WDR7: variants seen among roughly 807,000 people sequenced by gnomAD.
The protein encoded by WDR7 is WD repeat-containing protein 7.
In WDR7, 46 loss-of-function variants were observed where a neutral mutation model predicts 169.4. The observed-to-expected ratio is 0.27, with a 90% confidence interval of 0.21 to 0.35. The LOEUF (loss-of-function observed/expected upper bound fraction) is 0.35. Among genes scored for constraint, WDR7 ranks in the 10% least tolerant of loss-of-function variants. WDR7 has a pLI of 1.00. For missense variants in WDR7, 1,534 were observed against 1,859.3 expected (o/e 0.83, Z 3.22); for synonymous variants, 612 against 666.8 (o/e 0.92, Z 1.27).
chr18:56,743,109 T>C (rs1259349494), intron 14 of WDR7, among the ~76,000 whole-genome samples: 3 of 152,138 alleles, frequency 2.0e-5, no homozygotes, highest in Admixed American at 6.5e-5. Context: ...GTAAGGAAGG[T>C]TGGCTCACAG....
At chr18:56,723,371 A>G (rs2026366612) in intron 13 of WDR7, among the ~76,000 whole-genome samples, 1 of 151,844 alleles carries the variant, frequency 6.6e-6, no homozygotes, top group African/African-American at 2.4e-5. Context: ...TCTTTTGTCT[A>G]ATACTTAATT....
chr18:56,677,325 C>G (rs1568131528), intron 2 of WDR7, among the ~76,000 whole-genome samples: 1 of 152,158 alleles, frequency 6.6e-6, no homozygotes, highest in Non-Finnish European at 1.5e-5. Flanking sequence ...ACTGAAAAGT[C>G]TGGTTCCAGA....
chr18:56,910,267 C>T (rs185724916), intron 21 of WDR7, among the ~76,000 whole-genome samples: 1,806 of 152,228 alleles, frequency 0.012, 26 homozygotes, highest in Non-Finnish European at 0.015. Flanking sequence ...ATAAATATTT[C>T]CTGATAATGT....
At chr18:56,703,506 C>T (rs2025878313) in intron 12 of WDR7, among the ~76,000 whole-genome samples, 1 of 152,078 alleles carries the variant, frequency 6.6e-6, no homozygotes, top group Non-Finnish European at 1.5e-5. Context: ...TAAGCAAAAA[C>T]AGGAAGCAGA....
At chr18:56,930,010 G>T (rs565390781) in intron 22 of WDR7, among the ~76,000 whole-genome samples, 1 of 152,298 alleles carries the variant, frequency 6.6e-6, no homozygotes, top group East Asian at 1.9e-4. Flanking sequence ...CCTCGTTCAT[G>T]TGGCAGGGCC....
intron 25 of WDR7, among the ~76,000 whole-genome samples, chr18:56,962,117 A>AT (rs200339901): frequency 1.1e-4 from 17 of 151,434 alleles, no homozygotes; most frequent in African/African-American, 3.4e-4. Context: ...TTCATATTTA[A>AT]TTTTTTTTTA....
At chr18:56,732,479 G>A (rs1419946987) in intron 14 of WDR7, among the ~76,000 whole-genome samples, 1 of 152,088 alleles carries the variant, frequency 6.6e-6, no homozygotes, top group East Asian at 1.9e-4. Flanking sequence ...ATAGTAAAGG[G>A]GTTGAAAGGC....
At chr18:56,882,005 C>G (rs2046115077) in intron 21 of WDR7, among the ~76,000 whole-genome samples, 1 of 152,220 alleles carries the variant, frequency 6.6e-6, no homozygotes, top group South Asian at 2.1e-4. Context: ...TAAACTTGAA[C>G]TCAAGTGTCT....
chr18:56,932,130 C>A (rs774800492), intron 22 of WDR7, among the ~76,000 whole-genome samples: 11 of 152,140 alleles, frequency 7.2e-5, no homozygotes, highest in Non-Finnish European at 1.5e-4. Context: ...TACCCTCACA[C>A]ACACAGCCCC....
chr18:56,981,183 G>A (rs72928623), intron 26 of WDR7, among the ~76,000 whole-genome samples: 3,851 of 152,254 alleles, frequency 0.025, 58 homozygotes, highest in South Asian at 0.036. Context: ...GATGACTTTG[G>A]TATGGTAATT....
At chr18:56,784,768 CTTTCTG>C (rs2044370382) in intron 19 of WDR7, among the ~76,000 whole-genome samples, 1 of 151,966 alleles carries the variant, frequency 6.6e-6, no homozygotes, top group Admixed American at 6.6e-5. Context: ...ATATTTAAAC[CTTTCTG>C]TTTATGTATT....
At chr18:56,860,296 A>G (rs943218782) in intron 20 of WDR7, among the ~76,000 whole-genome samples, 2 of 152,232 alleles carry the variant, frequency 1.3e-5, no homozygotes, top group Non-Finnish European at 2.9e-5. Flanking sequence ...CTATGTAATC[A>G]TGAGTGCATG....
intron 22 of WDR7, among the ~76,000 whole-genome samples, chr18:56,926,147 G>A (rs1414031859): frequency 6.6e-6 from 1 of 152,150 alleles, no homozygotes; most frequent in African/African-American, 2.4e-5. Flanking sequence ...TCTGGATACA[G>A]GAGGCCTGAA....
intron 25 of WDR7, among the ~76,000 whole-genome samples, chr18:56,944,697 A>C (rs1224229312): frequency 6.6e-6 from 1 of 152,196 alleles, no homozygotes; most frequent in Non-Finnish European, 1.5e-5. Context: ...AATGGTTTAG[A>C]GCGCATACCA....
intron 26 of WDR7, among the ~76,000 whole-genome samples, chr18:56,989,723 A>C (rs964269610): frequency 6.6e-6 from 1 of 152,116 alleles, no homozygotes; most frequent in Non-Finnish European, 1.5e-5. Flanking sequence ...TATTTGTCTC[A>C]ATAGAGTATT....
At chr18:56,799,786 T>C (rs1421264) in intron 19 of WDR7, among the ~76,000 whole-genome samples, 94,965 of 151,914 alleles carry the variant, frequency 0.63, 31,263 homozygotes, top group East Asian at 0.83. Context: ...TCAAATATGA[T>C]TCTCATGACA....
At chr18:56,978,837 G>A (rs547758715) in intron 26 of WDR7, among the ~76,000 whole-genome samples, 13 of 152,218 alleles carry the variant, frequency 8.5e-5, no homozygotes, top group South Asian at 4.1e-4. Flanking sequence ...TAGCATGCCC[G>A]CATGTAATTC....
downstream of WDR7, chr18:57,033,329 G>A (rs1166884694): frequency 2.0e-5 from 3 of 152,158 alleles, no homozygotes; most frequent in African/African-American, 7.2e-5. Context: ...ATGTTATAAT[G>A]TAGGAATTTA....
chr18:56,962,537 A>G lies in WDR7; in HGVS notation c.4164+8A>G. The G allele has an allele frequency of 6.2e-7, 1 of 1,611,878 alleles. No homozygotes were observed. Among genetic ancestry groups the G allele is most frequent in the Non-Finnish European group, 8.5e-7 (1 of 1,178,438 alleles). ...CGGACTGGAAAATGTCAGGTAAATA[A>G]ATCATTGTGACTTCCTCTCCATAAA... On this transcript the variant is annotated splice_region_variant and intron_variant, in intron 26 of 27. Transcript: ENST00000254442.
Sources: gnomAD v4.1 joint callset for allele counts (sites outside exome capture counted in the v4.1 genomes callset) on GRCh38, gnomAD v4.1.1 for gene constraint, MANE v1.5 for transcripts, NCBI Gene and HGNC (gene_info 2026-07-23, HGNC 2026-07-21) for gene names.